The following FRMD4A variants were observed in gnomAD, a reference collection of about 807,000 sequenced individuals.
The protein encoded by FRMD4A is FERM domain containing 4A.
In FRMD4A, 29 loss-of-function variants were observed where a neutral mutation model predicts 129.1. The observed-to-expected ratio is 0.22, with a 90% CI of 0.17 to 0.31. FRMD4A has a LOEUF of 0.31. Among genes scored for constraint, FRMD4A ranks in the 10% least tolerant of loss-of-function variants. The pLI is 1.00. For synonymous variants in FRMD4A, 634 were observed against 571.6 expected (o/e 1.11, Z -1.56); for missense variants, 1,272 against 1,375.8 (o/e 0.92, Z 1.19).
intron 2 of FRMD4A, among the ~76,000 whole-genome samples, chr10:14,318,631 G>GAAAAA (rs1846847185): frequency 7.6e-6 from 1 of 131,414 alleles, no homozygotes; most frequent in African/African-American, 3.0e-5. Context: ...AAAAAAAAAT[G>GAAAAA]ACTCCTTCAG....
chr10:14,303,980 G>A (rs1846266168), intron 2 of FRMD4A, among the ~76,000 whole-genome samples: 2 of 152,056 alleles, frequency 1.3e-5, no homozygotes, highest in Non-Finnish European at 2.9e-5. Flanking sequence ...TTCTTTTTAA[G>A]GTTGAATAAT....
intron 2 of FRMD4A, among the ~76,000 whole-genome samples, chr10:14,136,550 C>T (rs1422616663): frequency 6.6e-6 from 1 of 152,062 alleles, no homozygotes; most frequent in Non-Finnish European, 1.5e-5. Context: ...CTCTACCCCC[C>T]AACCCCACTC....
At chr10:14,079,453 C>T (rs1026637444) in intron 2 of FRMD4A, among the ~76,000 whole-genome samples, 24 of 152,132 alleles carry the variant, frequency 1.6e-4, no homozygotes, top group African/African-American at 2.7e-4. Flanking sequence ...CAAAAATGAC[C>T]GAAGTGTTTT....
chr10:14,026,609 C>T (rs1832997454), intron 2 of FRMD4A, among the ~76,000 whole-genome samples: 1 of 152,170 alleles, frequency 6.6e-6, no homozygotes, highest in South Asian at 2.1e-4. Flanking sequence ...AAATCTATTT[C>T]CCTGATGGGC....
intron 2 of FRMD4A, among the ~76,000 whole-genome samples, chr10:14,200,153 G>C (rs571356150): frequency 6.7e-6 from 1 of 149,930 alleles, no homozygotes; most frequent in East Asian, 2.0e-4. Flanking sequence ...TCAGCTTCCC[G>C]CAGTGTTGGG....
At chr10:14,328,994 C>T (rs1247948988) in intron 2 of FRMD4A, among the ~76,000 whole-genome samples, 2 of 152,104 alleles carry the variant, frequency 1.3e-5, no homozygotes, top group Non-Finnish European at 2.9e-5. Context: ...AATCTGTGGA[C>T]CCAGTGGAAT....
chr10:14,036,430 C>T (rs527368849), intron 2 of FRMD4A, among the ~76,000 whole-genome samples: 3 of 152,260 alleles, frequency 2.0e-5, no homozygotes, highest in East Asian at 1.9e-4. Flanking sequence ...ATAAACACCC[C>T]GCCTTCCTGT....
At position 14,155,481 on chromosome 10, in the gene FRMD4A, G is replaced by A. The variant is rs551534365; in HGVS notation, c.45+174577C>T. Among the ~76,000 whole-genome samples, 7 of 152,222 alleles carry A rather than the reference G, an allele frequency of 4.6e-5. No homozygotes were observed. The East Asian group carries it at 7.7e-4, about 17-fold the overall frequency. On this transcript the variant is annotated intron_variant, in intron 2 of 24. Transcript: ENST00000357447. ...AGGAATTAAAACTCCAGGGCTTAGC[G>A]TCTGTCCCTTCCCATGTGGCGATTC...
intron 12 of FRMD4A, among the ~76,000 whole-genome samples, chr10:13,723,628 G>A (rs1445723480): frequency 6.6e-6 from 1 of 152,186 alleles, no homozygotes; most frequent in Non-Finnish European, 1.5e-5. Context: ...ATATCTTCTG[G>A]TTAGATGACC....
At chr10:13,880,415 CATT>C (rs1360925785) in intron 2 of FRMD4A, among the ~76,000 whole-genome samples, 3 of 152,248 alleles carry the variant, frequency 2.0e-5, no homozygotes, top group African/African-American at 7.2e-5. Flanking sequence ...TCATCATCAT[CATT>C]GTCATCATTT....
intron 2 of FRMD4A, among the ~76,000 whole-genome samples, chr10:14,148,749 G>A (rs1279146657): frequency 7.3e-5 from 11 of 150,274 alleles, no homozygotes; most frequent in South Asian, 2.1e-4. Context: ...GTGACAGAGC[G>A]AGACTCTGTC....
chr10:14,075,436 A>G (rs192066127), intron 2 of FRMD4A, among the ~76,000 whole-genome samples: 1 of 152,320 alleles, frequency 6.6e-6, no homozygotes, highest in African/African-American at 2.4e-5. Flanking sequence ...GTCTATAGAG[A>G]TTACGTAGCC....
chr10:14,104,261 G>A (rs1837464850), intron 2 of FRMD4A, among the ~76,000 whole-genome samples: 1 of 151,924 alleles, frequency 6.6e-6, no homozygotes, highest in South Asian at 2.1e-4. Context: ...CTGCCATGGG[G>A]GTTACACCGC....
intron 15 of FRMD4A, chr10:13,685,067 G>T: frequency 1.0e-6 from 1 of 984,838 alleles, no homozygotes; most frequent in Non-Finnish European, 1.2e-6. Flanking sequence ...AGGAGACCAC[G>T]GGAAATAATG....
chr10:14,016,937 G>T (rs911823327), intron 2 of FRMD4A, among the ~76,000 whole-genome samples: 2 of 152,232 alleles, frequency 1.3e-5, no homozygotes, highest in Admixed American at 1.3e-4. Flanking sequence ...CTTGCAGGCT[G>T]TTCAGCTCGT....
At chr10:14,113,172 T>C (rs1838014212) in intron 2 of FRMD4A, among the ~76,000 whole-genome samples, 1 of 152,234 alleles carries the variant, frequency 6.6e-6, no homozygotes, top group Non-Finnish European at 1.5e-5. Context: ...TAGATATACA[T>C]AGATACATCG....
intron 2 of FRMD4A, among the ~76,000 whole-genome samples, chr10:14,264,074 C>T (rs1564426181): frequency 6.6e-6 from 1 of 152,192 alleles, no homozygotes; most frequent in Non-Finnish European, 1.5e-5. Flanking sequence ...ACTGCAATCA[C>T]AGCATCTCTC....
At chr10:14,287,326 G>A (rs1845713211) in intron 2 of FRMD4A, among the ~76,000 whole-genome samples, 1 of 152,216 alleles carries the variant, frequency 6.6e-6, no homozygotes, top group Non-Finnish European at 1.5e-5. Flanking sequence ...TAGCCTGCAA[G>A]TTCCCTAAGG....
chr10:14,112,494 C>CA (rs1339573293), intron 2 of FRMD4A, among the ~76,000 whole-genome samples: 1 of 152,336 alleles, frequency 6.6e-6, no homozygotes, highest in African/African-American at 2.4e-5. Context: ...CCCATCTTCA[C>CA]ACTGGGCTTT....
Sources: allele counts gnomAD v4.1 joint callset (sites outside exome capture counted in the v4.1 genomes callset), GRCh38; gene constraint gnomAD v4.1.1; transcripts MANE v1.5; gene names NCBI Gene and HGNC (gene_info 2026-07-23, HGNC 2026-07-21).